The following WNT2 variants were observed in gnomAD, a reference collection of about 807,000 sequenced individuals.
WNT2 encodes Wnt family member 2.
In WNT2, 12 loss-of-function variants were observed where a neutral mutation model predicts 36.9. That is an observed-to-expected ratio of 0.33 (90% CI 0.21 to 0.53). WNT2 has a LOEUF of 0.53. Ranked by LOEUF, WNT2 falls within the 20% of genes least tolerant of loss-of-function variation. The pLI, the probability that WNT2 is intolerant of heterozygous loss-of-function variation, is 0.95. For synonymous variants in WNT2, 163 were observed against 174.6 expected (o/e 0.93, Z 0.52); for missense variants, 379 against 473.1 (o/e 0.80, Z 1.84).
At position 117,322,536 on chromosome 7, in the gene WNT2, TACACACACACACAC is replaced by T. The variant is rs144898264; in HGVS notation, c.83+357_83+370del. Among the ~76,000 whole-genome samples the T allele has an allele frequency of 1.6e-5, 2 of 127,994 alleles. No homozygotes were observed. Among genetic ancestry groups the T allele is most frequent in the African/African-American group, 6.2e-5 (2 of 32,208 alleles). 84.0% of individuals were successfully genotyped at this position (127,994 alleles called of 152,430 possible). On this transcript the variant is annotated intron_variant, in intron 1 of 4. Transcript: ENST00000265441. This position sits in a 1 kb window ranked among gnomAD's most constrained non-coding sequence, Gnocchi z 5.4. ...GCGGTTGTAGTTTTCAAGGTGAATT[TACACACACACACAC>T]ACACACACACACACACACACACGTC...
chr7:117,297,954 AT>A, intron 3 of WNT2, 78 bp from the exon 4 acceptor site: 1 of 1,497,546 alleles, frequency 6.7e-7, no homozygotes, highest in Non-Finnish European at 8.9e-7. Flanking sequence ...CCTCCCAGCA[AT>A]CCAGAAGTGA....
chr7:117,306,496 C>T (rs142403481), intron 3 of WNT2, among the ~76,000 whole-genome samples: 2 of 152,366 alleles, frequency 1.3e-5, no homozygotes, highest in African/African-American at 4.8e-5. Flanking sequence ...CCTTCAGAAC[C>T]TCAAGGCCAT....
chr7:117,320,672 C>T lies in WNT2; in HGVS notation c.205G>A (p.Val69Met), dbSNP rs371599061. 14 of 1,613,852 alleles carry T rather than the reference C, an allele frequency of 8.7e-6. No homozygotes were observed. Among genetic ancestry groups the T allele is most frequent in the Admixed American group, 5.0e-5 (3 of 59,990 alleles). ...TGGCATTCTGCTGTCCACTCGGCCA[C>T]GCCCTGGCTAATGGCACGCATCACA... ...PDVMRAISQG[V>M]AEWTAECQHQ... The change falls in exon 2 of 5, where the codon GTG (valine) becomes ATG (methionine). Residue 69 changes from valine to methionine, a missense_variant. Coordinates refer to ENST00000265441, the MANE Select transcript of WNT2 (RefSeq NM_003391.3).
intron 4 of WNT2, among the ~76,000 whole-genome samples, chr7:117,293,341 A>T (rs543629031): frequency 6.6e-6 from 1 of 152,154 alleles, no homozygotes; most frequent in Non-Finnish European, 1.5e-5. Flanking sequence ...AAAGCCAGTC[A>T]GTTCCAAATA....
chr7:117,279,815 A>T (rs1487794659), intron 4 of WNT2, among the ~76,000 whole-genome samples: 1 of 152,166 alleles, frequency 6.6e-6, no homozygotes, highest in African/African-American at 2.4e-5. Flanking sequence ...ACTCTTATTT[A>T]AAAAACAAAA....
At chr7:117,297,538 A>C in intron 4 of WNT2, 74 bp downstream of exon 4, 1 of 1,516,576 alleles carries the variant, frequency 6.6e-7, no homozygotes, top group South Asian at 1.3e-5. Flanking sequence ...CTGAAAATAC[A>C]GAACCTCATT....
intron 4 of WNT2, among the ~76,000 whole-genome samples, chr7:117,292,779 A>G (rs1794714356): frequency 6.6e-6 from 1 of 152,158 alleles, no homozygotes; most frequent in African/African-American, 2.4e-5. Flanking sequence ...TGGGCAAGAC[A>G]TGGTGGGAGA....
At chr7:117,311,169 C>G (rs1400645843) in intron 3 of WNT2, among the ~76,000 whole-genome samples, 1 of 152,178 alleles carries the variant, frequency 6.6e-6, no homozygotes, top group African/African-American at 2.4e-5. Context: ...CTCACGATGA[C>G]TGGCAGTTAG....
chr7:117,320,251 G>C (rs752747849), intron 2 of WNT2, among the ~76,000 whole-genome samples: 3 of 152,214 alleles, frequency 2.0e-5, no homozygotes, highest in South Asian at 2.1e-4. Flanking sequence ...GAGACTTGTG[G>C]CTCCTCCCTC....
In WNT2 at chr7:117,315,328, C is replaced by T; in HGVS notation, c.331G>A (p.Val111Ile). ...LLRSSRESAF[V>I]YAISSAGVVF... ...ACTCCAGCTGAGGAGATGGCATAAA[C>T]AAAGGCAGATTCCCGACTACCTGAA... Residue 111 changes from valine to isoleucine, a missense_variant, in exon 3 of 5, where the codon GTT (valine) becomes ATT (isoleucine). Transcript: ENST00000265441. The T allele has an allele frequency of 6.2e-7, 1 of 1,613,442 alleles. No homozygotes were observed. Among genetic ancestry groups the T allele is most frequent in the Non-Finnish European group, 8.5e-7 (1 of 1,179,686 alleles).
At chr7:117,287,067 G>T (rs543694112) in intron 4 of WNT2, among the ~76,000 whole-genome samples, 1 of 152,166 alleles carries the variant, frequency 6.6e-6, no homozygotes, top group African/African-American at 2.4e-5. Flanking sequence ...AGTTACTCTC[G>T]GCCGGGCACG....
At chr7:117,305,616 G>T (rs1454385655) in intron 3 of WNT2, among the ~76,000 whole-genome samples, 2 of 152,184 alleles carry the variant, frequency 1.3e-5, no homozygotes, top group Admixed American at 1.3e-4. Context: ...GGTTGTAGAG[G>T]TGGGGCTTGT....
Position 117,322,958 on chromosome 7 carries a change from C to T in WNT2, c.32G>A (p.Trp11Ter). Residue 11 changes from tryptophan to a stop codon, truncating the protein, a stop_gained, in exon 1 of 5, where the codon TGG (tryptophan) becomes TAG (stop). Coordinates refer to ENST00000265441, the MANE Select transcript of WNT2 (RefSeq NM_003391.3). LOFTEE classifies it high-confidence loss of function. The surrounding 1 kb of genome is among the most constrained non-coding windows in gnomAD (Gnocchi z 5.4). MNAPLGGIWL[W>*]LPLLLTWLTP... ...GAGCCAGGTCAAGAGCAGAGGGAGC[C>T]AGAGCCAGATTCCACCGAGAGGGGC... 6.2e-7 allele frequency: 1 copy of T among 1,612,824 alleles called. No homozygotes were observed. Among genetic ancestry groups the T allele is most frequent in the African/African-American group, 1.3e-5 (1 of 74,826 alleles).
intron 4 of WNT2, among the ~76,000 whole-genome samples, chr7:117,283,324 A>G (rs1794521432): frequency 6.6e-6 from 1 of 152,192 alleles, no homozygotes; most frequent in Non-Finnish European, 1.5e-5. Context: ...GTTATTGTTC[A>G]CATGCGCTGA....
chr7:117,320,077 GA>G (rs1795295795), intron 2 of WNT2, among the ~76,000 whole-genome samples: 1 of 152,226 alleles, frequency 6.6e-6, no homozygotes, highest in Non-Finnish European at 1.5e-5. Context: ...AATGGAAGGT[GA>G]AAAGTGGTGA....
At chr7:117,313,619 T>C (rs1795162968) in intron 3 of WNT2, among the ~76,000 whole-genome samples, 1 of 152,242 alleles carries the variant, frequency 6.6e-6, no homozygotes. Flanking sequence ...TCTTTCCAAA[T>C]AGAGAAATCT....
intron 4 of WNT2, among the ~76,000 whole-genome samples, chr7:117,294,974 A>G (rs949592120): frequency 4.6e-5 from 7 of 152,100 alleles, no homozygotes; most frequent in Admixed American, 3.3e-4. Context: ...GCCTGTAATC[A>G]CAGCTACTTG....
chr7:117,307,432 T>A (rs1795035414), intron 3 of WNT2, among the ~76,000 whole-genome samples: 1 of 152,172 alleles, frequency 6.6e-6, no homozygotes, highest in Non-Finnish European at 1.5e-5. Context: ...GGAGGCAGGA[T>A]ATAAGCCAAG....
In WNT2 at chr7:117,307,728, G is replaced by C. The variant is rs542659538; in HGVS notation, c.588+7343C>G. 2.6e-5 allele frequency among the ~76,000 whole-genome samples: 4 copies of C among 152,192 alleles called. No homozygotes were observed. The East Asian group carries it at 7.7e-4, about 29-fold the overall frequency. On this transcript the variant is annotated intron_variant, in intron 3 of 4. Transcript: ENST00000265441. ...TGCAGAACATGAGAATTTTTTTCTT[G>C]TAGGTACCTGCATTTTGCAAAGTTT...
Sources: gnomAD v4.1 joint callset for allele counts (sites outside exome capture counted in the v4.1 genomes callset) on GRCh38, gnomAD v4.1.1 for gene constraint, Gnocchi (gnomAD v3.1) non-coding constraint, MANE v1.5 for transcripts, NCBI Gene and HGNC (gene_info 2026-07-23, HGNC 2026-07-21) for gene names.